Variants in CPS1 observed in about 807,000 individuals in gnomAD.
CPS1 encodes the protein carbamoyl-phosphate synthase [ammonia], mitochondrial.
In CPS1, 109 loss-of-function variants were observed where a neutral mutation model predicts 174.6. The observed-to-expected ratio is 0.62, with a 90% CI of 0.53 to 0.73. The LOEUF (loss-of-function observed/expected upper bound fraction) is 0.73. CPS1 is among the 30% of genes least tolerant of loss of function. The pLI is 0.00. For missense variants in CPS1, 1,689 were observed against 1,821.9 expected (o/e 0.93, Z 1.33); for synonymous variants, 637 against 632.0 (o/e 1.01, Z -0.12).
At chr2:210,551,710 T>C (rs967656573), upstream of CPS1, among the ~76,000 whole-genome samples, 1 of 151,970 alleles carries the variant, frequency 6.6e-6, no homozygotes, top group East Asian at 1.9e-4. Flanking sequence ...AAATGTTAGA[T>C]TGATAAGCAT....
At chr2:210,493,832 C>G (rs1452298372) in intron 1 of CPS1, among the ~76,000 whole-genome samples, 3 of 152,102 alleles carry the variant, frequency 2.0e-5, no homozygotes, top group Admixed American at 1.3e-4. Context: ...ATTTACAGCA[C>G]TGTCATTTGG....
chr2:210,641,978 A>G (rs555193480), intron 24 of CPS1, among the ~76,000 whole-genome samples: 19 of 152,286 alleles, frequency 1.2e-4, no homozygotes, highest in African/African-American at 4.3e-4. Context: ...TGCTTGGAAA[A>G]GATAGGACTC....
At chr2:210,668,076 A>ATGTGTGTGTGTGTGTGTGTG (rs3217217) in intron 33 of CPS1, 110 bp from the exon 34 acceptor site, 1 of 615,750 alleles carries the variant, frequency 1.6e-6, no homozygotes, top group African/African-American at 1.9e-5. Flanking sequence ...TTGTGCGTGC[A>ATGTGTGTGTGTGTGTGTGTG]TGTGTGTGTG....
At chr2:210,657,014 T>A (rs1202824221) in intron 30 of CPS1, among the ~76,000 whole-genome samples, 5 of 152,116 alleles carry the variant, frequency 3.3e-5, no homozygotes, top group African/African-American at 1.2e-4. Context: ...AGTCTGGGGA[T>A]GGCAGTTAGA....
chr2:210,564,709 G>A (rs1697242022), intron 1 of CPS1, among the ~76,000 whole-genome samples: 1 of 151,416 alleles, frequency 6.6e-6, no homozygotes, highest in Non-Finnish European at 1.5e-5. Context: ...TATAGGAATG[G>A]GGGCCGGACT....
At chr2:210,662,031 A>G (rs561252447) in intron 32 of CPS1, among the ~76,000 whole-genome samples, 5 of 148,448 alleles carry the variant, frequency 3.4e-5, no homozygotes, top group Admixed American at 2.7e-4. Flanking sequence ...CAGCCCCCCA[A>G]GTAGCCCCCA....
rs773003344 is a variant in CPS1, at chr2:210,612,261, C to CCAA, written c.2537_2539dup (p.Pro846_Ser847insThr). 1.2e-6 allele frequency: 2 copies of CCAA among 1,612,068 alleles called. No individual in the cohort carries two copies. The highest frequency in any genetic ancestry group is 1.7e-6 in the Non-Finnish European group (2 of 1,178,716). ...AGATCTTAGAAAAGAGTTGTCTGAA[C>CCAA]CAAGCAGCACGCGTATCTATGCCAT... On this transcript the variant is annotated inframe_insertion, in exon 20 of 38. Coordinates refer to ENST00000233072, the MANE Select transcript of CPS1 (RefSeq NM_001875.5).
At chr2:210,596,671 C>A (rs1328257736) in intron 13 of CPS1, among the ~76,000 whole-genome samples, 2 of 151,802 alleles carry the variant, frequency 1.3e-5, no homozygotes, top group Non-Finnish European at 2.9e-5. Context: ...GCTTTAATTT[C>A]TCATTAGATA....
At chr2:210,541,481 C>T (rs576153040) in intron 1 of CPS1, among the ~76,000 whole-genome samples, 2 of 152,098 alleles carry the variant, frequency 1.3e-5, no homozygotes, top group African/African-American at 4.8e-5. Context: ...AACTCGTTAT[C>T]GGCTTTGTCC....
At chr2:210,557,925 T>C (rs575283972) in intron 1 of CPS1, among the ~76,000 whole-genome samples, 1 of 151,686 alleles carries the variant, frequency 6.6e-6, no homozygotes, top group Admixed American at 6.6e-5. Flanking sequence ...TATTCATAGA[T>C]TCCTGTGGCT....
At chr2:210,643,024 A>G (rs943260370) in intron 25 of CPS1, among the ~76,000 whole-genome samples, 1 of 152,254 alleles carries the variant, frequency 6.6e-6, no homozygotes, top group Non-Finnish European at 1.5e-5. Flanking sequence ...TTGGTCATCT[A>G]GACATACAAT....
intron 21 of CPS1, among the ~76,000 whole-genome samples, chr2:210,629,413 C>G (rs1050957840): frequency 6.6e-6 from 1 of 151,958 alleles, no homozygotes; most frequent in African/African-American, 2.4e-5. Context: ...CTCCCGGGTT[C>G]ACGCCATTCT....
chr2:210,647,597 T>C (rs1344799651), intron 25 of CPS1, among the ~76,000 whole-genome samples: 1 of 152,246 alleles, frequency 6.6e-6, no homozygotes, highest in African/African-American at 2.4e-5. Context: ...TTTATTGACT[T>C]GATTTTCCTT....
At chr2:210,577,541 C>A in intron 4 of CPS1, 31 bp downstream of exon 4, 1 of 1,524,938 alleles carries the variant, frequency 6.6e-7, no homozygotes, top group Non-Finnish European at 9.1e-7. Flanking sequence ...TCCATCATCA[C>A]CTAAGGAAGG....
intron 1 of CPS1, among the ~76,000 whole-genome samples, chr2:210,517,309 T>G (rs1162732411): frequency 6.6e-6 from 1 of 151,902 alleles, no homozygotes; most frequent in Non-Finnish European, 1.5e-5. Flanking sequence ...AGTCTTAAGG[T>G]CTCCAAACCA....
intron 25 of CPS1, among the ~76,000 whole-genome samples, chr2:210,644,225 A>G (rs1259822482): frequency 6.6e-6 from 1 of 152,106 alleles, no homozygotes; most frequent in Non-Finnish European, 1.5e-5. Flanking sequence ...ACTAATTGGT[A>G]TTTAAAATAT....
In CPS1 at chr2:210,573,427, G is replaced by A; in HGVS notation, c.236+20G>A. On this transcript the variant is annotated intron_variant, in intron 2 of 37. Transcript: ENST00000233072. ...GGGAGGGTGAGTAATGCTTTTCCAA[G>A]GCTTTATTTTTCCTCTAGTAGAGAA... The A allele has an allele frequency of 1.3e-6, 2 of 1,562,506 alleles. No homozygotes were observed. The highest frequency in any genetic ancestry group is 3.4e-4 in the Middle Eastern group (2 of 5,952).
chr2:210,552,016 C>T (rs116162448), upstream of CPS1, among the ~76,000 whole-genome samples: 1 of 151,982 alleles, frequency 6.6e-6, no homozygotes, highest in Non-Finnish European at 1.5e-5. Flanking sequence ...CACTTTCCCT[C>T]AGAGATGCCT....
At chr2:210,486,647 A>G (rs1471367496) in intron 1 of CPS1, among the ~76,000 whole-genome samples, 1 of 152,166 alleles carries the variant, frequency 6.6e-6, no homozygotes, top group Non-Finnish European at 1.5e-5. Context: ...AGTAACTGGG[A>G]TTACAGGCAT....
Sources: allele counts gnomAD v4.1 joint callset (sites outside exome capture counted in the v4.1 genomes callset), GRCh38; gene constraint gnomAD v4.1.1; transcripts MANE v1.5; gene names NCBI Gene and HGNC (gene_info 2026-07-23, HGNC 2026-07-21).